Variants in ZNF385D observed in about 807,000 individuals in gnomAD.
ZNF385D encodes the protein zinc finger protein 659.
ZNF385D carries 15 observed loss-of-function variants against 35.8 expected under a neutral mutation model. The observed-to-expected ratio is 0.42, with a 90% CI of 0.28 to 0.64. The LOEUF (loss-of-function observed/expected upper bound fraction) is 0.64, where lower values mean the gene tolerates loss of function less well. Among genes scored for constraint, ZNF385D ranks in the 30% least tolerant of loss-of-function variants. The probability of loss-of-function intolerance (pLI) is 0.23; values close to 1 mark genes in which losing one functional copy is unlikely to be tolerated. For missense variants in ZNF385D, 474 were observed against 494.6 expected (o/e 0.96, Z 0.39); for synonymous variants, 212 against 186.8 (o/e 1.13, Z -1.10).
chr3:21,653,291 T>A (rs964051809), intron 2 of ZNF385D, among the ~76,000 whole-genome samples: 4 of 152,184 alleles, frequency 2.6e-5, no homozygotes, highest in Non-Finnish European at 4.4e-5. Flanking sequence ...TATATATGTG[T>A]GTATATATAT....
upstream of ZNF385D, chr3:21,751,485 C>T: frequency 1.0e-6 from 1 of 981,128 alleles, no homozygotes; most frequent in Non-Finnish European, 1.2e-6. Context: ...TGTAATTAGA[C>T]AACACTTTTA....
intron 2 of ZNF385D, among the ~76,000 whole-genome samples, chr3:22,192,057 C>A (rs1037410907): frequency 6.6e-6 from 1 of 152,110 alleles, no homozygotes; most frequent in Non-Finnish European, 1.5e-5. Context: ...TCATCTCTTT[C>A]TCCATCCCAC....
intron 3 of ZNF385D, among the ~76,000 whole-genome samples, chr3:21,965,690 G>C (rs756275273): frequency 6.6e-6 from 1 of 152,138 alleles, no homozygotes; most frequent in Non-Finnish European, 1.5e-5. Context: ...ATAAACTGCA[G>C]ATTTGGCAAT....
At chr3:22,133,522 T>C (rs1309879256) in intron 3 of ZNF385D, 1 of 152,076 alleles carries the variant, frequency 6.6e-6, no homozygotes, top group East Asian at 1.9e-4. Flanking sequence ...ATAAGAATGA[T>C]TAAATTTCAT....
chr3:22,372,572 C>T (rs1696960849), exon 2 of ZNF385D: 1 of 983,542 alleles, frequency 1.0e-6, no homozygotes, highest in Non-Finnish European at 1.2e-6. Context: ...GGAGCAGCCG[C>T]CGGGGCTGGC....
At chr3:21,699,532 A>T (rs2067596729) in intron 1 of ZNF385D, among the ~76,000 whole-genome samples, 1 of 152,160 alleles carries the variant, frequency 6.6e-6, no homozygotes, top group Non-Finnish European at 1.5e-5. Flanking sequence ...AATACAAAAA[A>T]ATGTGGCTGG....
chr3:21,600,103 G>A (rs2064238688), intron 2 of ZNF385D, among the ~76,000 whole-genome samples: 1 of 152,164 alleles, frequency 6.6e-6, no homozygotes, highest in Non-Finnish European at 1.5e-5. Flanking sequence ...GACAATGTCA[G>A]GAATTTACCC....
intron 2 of ZNF385D, among the ~76,000 whole-genome samples, chr3:22,180,912 TTC>T (rs1444204777): frequency 8.0e-6 from 1 of 124,836 alleles, no homozygotes; most frequent in Non-Finnish European, 1.6e-5. Flanking sequence ...TATGCTTTTG[TTC>T]TTTTTTTTTT....
chr3:22,164,216 C>CTGTTTTTTTTTTTTTT (rs1706158036), intron 3 of ZNF385D, among the ~76,000 whole-genome samples: 1 of 74,912 alleles, frequency 1.3e-5, no homozygotes, highest in Non-Finnish European at 2.5e-5. Flanking sequence ...AAAAGGAGCA[C>CTGTTTTTTTTTTTTTT]TTTTTTTTTT....
At chr3:21,584,060 A>G (rs2063743924) in intron 2 of ZNF385D, among the ~76,000 whole-genome samples, 1 of 150,792 alleles carries the variant, frequency 6.6e-6, no homozygotes, top group South Asian at 2.1e-4. Flanking sequence ...TGCAACCTCC[A>G]CCTCCCGGGC....
At chr3:21,809,996 C>A (rs766207598) in intron 3 of ZNF385D, among the ~76,000 whole-genome samples, 2 of 152,084 alleles carry the variant, frequency 1.3e-5, no homozygotes, top group Non-Finnish European at 2.9e-5. Context: ...CATACAATAT[C>A]TTCCAGAAAA....
At chr3:22,129,994 T>A (rs75919314) in intron 3 of ZNF385D, among the ~76,000 whole-genome samples, 2 of 152,126 alleles carry the variant, frequency 1.3e-5, no homozygotes, top group South Asian at 2.1e-4. Context: ...CTACTGCTGA[T>A]GTTTATTCAA....
intron 1 of ZNF385D, among the ~76,000 whole-genome samples, chr3:21,721,753 C>G (rs2068549880): frequency 6.6e-6 from 1 of 152,168 alleles, no homozygotes; most frequent in Admixed American, 6.5e-5. Flanking sequence ...ATCATGGAGT[C>G]TGGAGCCAAG....
At chr3:22,185,805 G>A (rs1043418266) in intron 2 of ZNF385D, among the ~76,000 whole-genome samples, 1 of 152,090 alleles carries the variant, frequency 6.6e-6, no homozygotes, top group Non-Finnish European at 1.5e-5. Flanking sequence ...TGTCCCACCT[G>A]GAAAAGCACC....
intron 2 of ZNF385D, among the ~76,000 whole-genome samples, chr3:22,221,378 T>C (rs1450539859): frequency 2.0e-5 from 3 of 152,156 alleles, no homozygotes; most frequent in Admixed American, 6.6e-5. Flanking sequence ...TCACATTGCA[T>C]ATATACCCCC....
intron 2 of ZNF385D, among the ~76,000 whole-genome samples, chr3:22,182,689 T>A (rs1695358649): frequency 6.6e-6 from 1 of 152,108 alleles, no homozygotes; most frequent in Non-Finnish European, 1.5e-5. Flanking sequence ...TTTTCTATTA[T>A]CCAAATAAGT....
intron 3 of ZNF385D, among the ~76,000 whole-genome samples, chr3:21,989,027 G>A (rs969381955): frequency 1.4e-4 from 21 of 152,130 alleles, no homozygotes; most frequent in South Asian, 8.3e-4. Context: ...CACGGTGCGC[G>A]CACCCACTGG....
intron 3 of ZNF385D, among the ~76,000 whole-genome samples, chr3:21,824,141 G>A (rs1694448243): frequency 6.6e-6 from 1 of 152,164 alleles, no homozygotes; most frequent in South Asian, 2.1e-4. Flanking sequence ...ATTAAAACAT[G>A]ACTTCTTTCA....
At chr3:22,119,147 C>A (rs895346184) in intron 3 of ZNF385D, among the ~76,000 whole-genome samples, 1 of 152,208 alleles carries the variant, frequency 6.6e-6, no homozygotes, top group South Asian at 2.1e-4. Flanking sequence ...GAATACCACC[C>A]GCCTGATGAA....
Sources: allele counts gnomAD v4.1 joint callset (sites outside exome capture counted in the v4.1 genomes callset), GRCh38; gene constraint gnomAD v4.1.1; transcripts MANE v1.5; gene names NCBI Gene and HGNC (gene_info 2026-07-23, HGNC 2026-07-21).